Variants in ADAM19 observed in about 807,000 individuals in gnomAD.
The protein encoded by ADAM19 is ADAM metallopeptidase domain 19, also known as disintegrin and metalloproteinase domain-containing protein 19.
In ADAM19, 65 loss-of-function variants were observed where a neutral mutation model predicts 114.7. That is an observed-to-expected ratio of 0.57 (90% CI 0.46 to 0.70). The LOEUF (loss-of-function observed/expected upper bound fraction) is 0.70. Among genes scored for constraint, ADAM19 ranks in the 30% least tolerant of loss-of-function variants. ADAM19 has a pLI of 0.00. For missense variants in ADAM19, 1,063 were observed against 1,204.7 expected, an observed-to-expected ratio of 0.88 and a Z score of 1.74; for synonymous variants, 466 against 460.5, an observed-to-expected ratio of 1.01 and a Z score of -0.15.
At chr5:157,499,189 G>A (rs949453733) in intron 13 of ADAM19, among the ~76,000 whole-genome samples, 1 of 152,026 alleles carries the variant, frequency 6.6e-6, no homozygotes, top group Non-Finnish European at 1.5e-5. Flanking sequence ...GAGAGAATGA[G>A]ATAACGTACA....
chr5:157,495,471 T>A (rs1755330033), intron 14 of ADAM19, among the ~76,000 whole-genome samples: 1 of 152,222 alleles, frequency 6.6e-6, no homozygotes, highest in Non-Finnish European at 1.5e-5. Context: ...GGAAAATTTT[T>A]CTTGTAGTCA....
At chr5:157,505,571 A>T in intron 11 of ADAM19, 98 bp downstream of exon 11, 1 of 1,400,918 alleles carries the variant, frequency 7.1e-7, no homozygotes, top group Non-Finnish European at 9.6e-7. Flanking sequence ...CAGAAGTTTA[A>T]GGGAGTCTCA....
intron 4 of ADAM19, among the ~76,000 whole-genome samples, chr5:157,534,203 C>T (rs1756701127): frequency 6.6e-6 from 1 of 152,126 alleles, no homozygotes; most frequent in Non-Finnish European, 1.5e-5. Flanking sequence ...TGGGGTGGCT[C>T]ACACCTGTAA....
At position 157,479,616 on chromosome 5, in the gene ADAM19, C is replaced by G; in HGVS notation, c.*1333G>C. Reference sequence around the variant, plus strand: ...CAGACCCCCTCACCTGCTCAGAGCTCTCTTTCTGTGAGGGTCAGGTAAGGG... The same window carrying G: ...CAGACCCCCTCACCTGCTCAGAGCTGTCTTTCTGTGAGGGTCAGGTAAGGG... On this transcript the variant is annotated 3_prime_UTR_variant, in exon 23 of 23. Transcript: ENST00000257527. 1.0e-6 allele frequency: 1 copy of G among 985,900 alleles called. No homozygotes were observed. The highest frequency in any genetic ancestry group is 4.7e-5 in the South Asian group (1 of 21,270). The allele number at this position is 985,900 out of a possible 1,614,324, so 61.1% of individuals were successfully genotyped here.
At chr5:157,560,061 C>T (rs1757469119) in intron 3 of ADAM19, among the ~76,000 whole-genome samples, 1 of 151,642 alleles carries the variant, frequency 6.6e-6, no homozygotes. Context: ...GTCAGGAGAT[C>T]GAGACCATCC....
At chr5:157,513,977 C>T (rs1003172275) in intron 7 of ADAM19, among the ~76,000 whole-genome samples, 14 of 152,336 alleles carry the variant, frequency 9.2e-5, no homozygotes, top group Admixed American at 2.0e-4. Flanking sequence ...ATGGGCAAGG[C>T]ATTGTGCTTA....
At chr5:157,517,664 T>A (rs768051643) in intron 7 of ADAM19, among the ~76,000 whole-genome samples, 192 of 152,208 alleles carry the variant, frequency 1.3e-3, no homozygotes, top group Non-Finnish European at 2.1e-3. Flanking sequence ...TACTGCAAAC[T>A]CTGCGATGCC....
rs770053170 is a variant in ADAM19 at position 157,481,877 on chromosome 5, G to A, written c.2617C>T (p.Leu873Phe). Residue 873 changes from leucine (L) to phenylalanine (F), a missense_variant, in exon 22 of 23, where the codon CTC becomes TTC. By Grantham distance (22) the Leu-to-Phe change is conservative. Around this residue, in one of 3 missense-constraint regions of ADAM19, gnomAD observed 424 missense variants for 445.5 expected, o/e 0.95. Transcript: ENST00000257527. Reference sequence around the variant, plus strand: ...GGGGATGCACCTCCTGGCCTGGGGAGGCTCCTGCGGCCTGGCACTGGGTTT... The same window carrying A: ...GGGGATGCACCTCCTGGCCTGGGGAAGCTCCTGCGGCCTGGCACTGGGTTT... ...PANPVPGRRS[L>F]PRPGGASPLR... The A allele has an allele frequency of 6.3e-7, 1 of 1,599,084 alleles. No homozygotes were observed. The highest frequency in any genetic ancestry group is 8.5e-7 in the Non-Finnish European group (1 of 1,172,698).
At chr5:157,527,871 T>G (rs1222863096) in intron 5 of ADAM19, among the ~76,000 whole-genome samples, 1 of 152,156 alleles carries the variant, frequency 6.6e-6, no homozygotes, top group Admixed American at 6.5e-5. Flanking sequence ...ACATGACTTC[T>G]TCAATTAAAG....
chr5:157,530,677 C>T, intron 5 of ADAM19, 130 bp downstream of exon 5: 1 of 703,204 alleles, frequency 1.4e-6, no homozygotes, highest in Non-Finnish European at 2.5e-6. Context: ...GGCTCAGCCC[C>T]TCTCTGGGCT....
chr5:157,513,421 C>A lies in ADAM19; in HGVS notation c.738+13G>T. 1 of 1,613,414 alleles carries A rather than the reference C, an allele frequency of 6.2e-7. No individual in the cohort carries two copies. The highest frequency in any genetic ancestry group is 8.5e-7 in the Non-Finnish European group (1 of 1,179,556). On this transcript the variant is annotated intron_variant, in intron 8 of 22. Transcript: ENST00000257527. ...CCTGGCACCTTTCCCACAAAGTACA[C>A]ACCTGGTCTCACCTTATCAACATAG...
intron 10 of ADAM19, among the ~76,000 whole-genome samples, chr5:157,506,660 C>T (rs1218078289): frequency 1.3e-5 from 2 of 152,216 alleles, no homozygotes; most frequent in Non-Finnish European, 2.9e-5. Context: ...CAAAAGAAGG[C>T]AGTAATTTCC....
intron 1 of ADAM19, among the ~76,000 whole-genome samples, chr5:157,572,876 C>T (rs1757870440): frequency 6.6e-6 from 1 of 152,074 alleles, no homozygotes; most frequent in Admixed American, 6.5e-5. Flanking sequence ...AAGGTGAAAC[C>T]CTGTCTCTAC....
intron 21 of ADAM19, among the ~76,000 whole-genome samples, chr5:157,487,397 C>A (rs556541648): frequency 2.0e-5 from 3 of 152,226 alleles, no homozygotes; most frequent in Non-Finnish European, 4.4e-5. Context: ...AAGCCTGCAG[C>A]CAACCCCAGA....
chr5:157,480,571 G>C lies in ADAM19; in HGVS notation c.*378C>G. On this transcript the variant is annotated 3_prime_UTR_variant, in exon 23 of 23. Coordinates refer to ENST00000257527, the MANE Select transcript of ADAM19 (RefSeq NM_033274.5). ...GCTCTCTTGCGTGCCCTGCACCCCA[G>C]GAGTGAATGGATGGCTTCTGCAAGC... 9.3e-7 allele frequency: 1 copy of C among 1,078,716 alleles called. No individual in the cohort carries two copies. The highest frequency in any genetic ancestry group is 4.8e-5 in the Admixed American group (1 of 20,978). The allele number at this position is 1,078,716 out of a possible 1,614,324, so 66.8% of individuals were successfully genotyped here. A position where few individuals can be genotyped will look rare whatever the true frequency, so the allele number is the denominator to read the frequency against.
chr5:157,510,100 T>C (rs554949673), intron 8 of ADAM19, among the ~76,000 whole-genome samples: 2 of 152,388 alleles, frequency 1.3e-5, no homozygotes, highest in African/African-American at 2.4e-5. Flanking sequence ...AGCCACTTCA[T>C]TGAGGTATAA....
At chr5:157,482,483 C>G (rs1051600650) in intron 21 of ADAM19, among the ~76,000 whole-genome samples, 3 of 152,198 alleles carry the variant, frequency 2.0e-5, no homozygotes, top group Non-Finnish European at 4.4e-5. Context: ...TTGCCCATGC[C>G]TATGTCCTGA....
intron 10 of ADAM19, among the ~76,000 whole-genome samples, chr5:157,506,409 C>G (rs1755744126): frequency 6.6e-6 from 1 of 152,172 alleles, no homozygotes; most frequent in African/African-American, 2.4e-5. Flanking sequence ...AACTGTAAAA[C>G]TATGCGTTTT....
chr5:157,560,851 T>C (rs1342270093), intron 3 of ADAM19, among the ~76,000 whole-genome samples: 1 of 152,238 alleles, frequency 6.6e-6, no homozygotes, highest in African/African-American at 2.4e-5. Flanking sequence ...GCTTTTGCAA[T>C]TTAAAAACAA....
Sources: gnomAD v4.1 joint callset for allele counts (sites outside exome capture counted in the v4.1 genomes callset) on GRCh38, gnomAD v4.1.1 for gene constraint, gnomAD v4.1.1 regional missense constraint, MANE v1.5 for transcripts, NCBI Gene and HGNC (gene_info 2026-07-23, HGNC 2026-07-21) for gene names.